The following SLC9B1 variants were observed in gnomAD, a reference collection of about 807,000 sequenced individuals.
SLC9B1 encodes solute carrier family 9 member B1, also known as sodium/hydrogen exchanger 9B1.
A neutral mutation model predicts 51.7 loss-of-function variants in SLC9B1; 32 were observed. The observed-to-expected ratio is 0.62, with a 90% CI of 0.47 to 0.83. The LOEUF is 0.83. Ranked by LOEUF, SLC9B1 falls within the 40% of genes least tolerant of loss-of-function variation. The probability of loss-of-function intolerance (pLI) is 0.00; values close to 1 mark genes in which losing one functional copy is unlikely to be tolerated. For missense variants in SLC9B1, 406 were observed against 613.2 expected (o/e 0.66, Z 3.57); for synonymous variants, 145 against 212.7 (o/e 0.68, Z 2.77).
At position 102,917,610 on chromosome 4, in the gene SLC9B1, G is replaced by A. The variant is rs574209516; in HGVS notation, c.830-6073C>T. Reference sequence around the variant, plus strand: ...AAAAATGGAAACACAACATTCCAAAGCTTGTGGGATGCAGCAAAATGAATA... The same window carrying A: ...AAAAATGGAAACACAACATTCCAAAACTTGTGGGATGCAGCAAAATGAATA... On this transcript the variant is annotated intron_variant, in intron 7 of 11. Coordinates refer to ENST00000296422, the MANE Select transcript of SLC9B1 (RefSeq NM_139173.4). Among the ~76,000 whole-genome samples the A allele has an allele frequency of 3.9e-5, 6 of 152,138 alleles. No individual in the cohort carries two copies. The South Asian group carries it at 1.2e-3, about 32-fold the overall frequency.
chr4:102,959,446 T>C (rs1737978269), intron 3 of SLC9B1, among the ~76,000 whole-genome samples: 1 of 152,226 alleles, frequency 6.6e-6, no homozygotes, highest in Non-Finnish European at 1.5e-5. Flanking sequence ...TTGCAATCTG[T>C]TAAGATGTTC....
At chr4:102,920,887 G>A (rs1735839262) in intron 7 of SLC9B1, among the ~76,000 whole-genome samples, 1 of 152,222 alleles carries the variant, frequency 6.6e-6, no homozygotes, top group African/African-American at 2.4e-5. Context: ...AATGAAGAAA[G>A]CCTCCAAGAA....
At chr4:102,904,023 G>T (rs189901815) in intron 11 of SLC9B1, among the ~76,000 whole-genome samples, 42 of 151,630 alleles carry the variant, frequency 2.8e-4, no homozygotes, top group Admixed American at 1.2e-3. Flanking sequence ...GGTAGGAAAA[G>T]TATTTTTTAA....
intron 6 of SLC9B1, chr4:102,941,434 T>C (rs1403591895): frequency 2.2e-6 from 1 of 453,162 alleles, no homozygotes; most frequent in Admixed American, 2.4e-5. Flanking sequence ...AAAACAAAAC[T>C]GCAGTGAGAT....
At chr4:102,956,790 T>C (rs1182067015) in intron 3 of SLC9B1, among the ~76,000 whole-genome samples, 1 of 152,216 alleles carries the variant, frequency 6.6e-6, no homozygotes, top group Non-Finnish European at 1.5e-5. Context: ...TGTTTAGTTT[T>C]CAATTAAAAA....
At chr4:103,002,378 T>C (rs1008398383) in intron 1 of SLC9B1, among the ~76,000 whole-genome samples, 2 of 152,220 alleles carry the variant, frequency 1.3e-5, no homozygotes, top group Non-Finnish European at 2.9e-5. Flanking sequence ...GCTTATAATG[T>C]GACAAGTATT....
chr4:102,918,395 C>A (rs2110440346), intron 7 of SLC9B1, among the ~76,000 whole-genome samples: 1 of 152,210 alleles, frequency 6.6e-6, no homozygotes, highest in Non-Finnish European at 1.5e-5. Context: ...GTAACTGAAT[C>A]AGGAATCAAA....
At chr4:102,973,820 C>A (rs1317383462) in intron 3 of SLC9B1, among the ~76,000 whole-genome samples, 1 of 152,058 alleles carries the variant, frequency 6.6e-6, no homozygotes, top group Non-Finnish European at 1.5e-5. Context: ...AAGTGAAATA[C>A]TACATAACAA....
At chr4:102,893,749 C>T (rs1734393334) in intron 11 of SLC9B1, among the ~76,000 whole-genome samples, 1 of 151,924 alleles carries the variant, frequency 6.6e-6, no homozygotes, top group Non-Finnish European at 1.5e-5. Flanking sequence ...TATGGCGAAA[C>T]CCCATCTCTA....
intron 7 of SLC9B1, among the ~76,000 whole-genome samples, chr4:102,926,456 GACAA>G (rs1313313637): frequency 1.3e-5 from 2 of 152,270 alleles, no homozygotes; most frequent in Non-Finnish European, 2.9e-5. Context: ...ACCATTAATA[GACAA>G]ACAGAGAGCC....
At chr4:102,948,183 A>G (rs1737360946) in intron 4 of SLC9B1, among the ~76,000 whole-genome samples, 1 of 152,114 alleles carries the variant, frequency 6.6e-6, no homozygotes, top group African/African-American at 2.4e-5. Flanking sequence ...GTATTCATTC[A>G]TTTATTCATC....
intron 7 of SLC9B1, among the ~76,000 whole-genome samples, chr4:102,931,401 T>G (rs1246583348): frequency 1.3e-5 from 2 of 152,052 alleles, no homozygotes; most frequent in Non-Finnish European, 2.9e-5. Flanking sequence ...GAAATGATTC[T>G]TTTCTTCTGG....
intron 7 of SLC9B1, among the ~76,000 whole-genome samples, chr4:102,930,339 A>C (rs1736386742): frequency 6.6e-6 from 1 of 152,204 alleles, no homozygotes; most frequent in Non-Finnish European, 1.5e-5. Flanking sequence ...TTAGATCAAC[A>C]ATTACACTTT....
At chr4:102,941,834 A>T (rs1206112841) in intron 6 of SLC9B1, among the ~76,000 whole-genome samples, 1 of 151,978 alleles carries the variant, frequency 6.6e-6, no homozygotes, top group Non-Finnish European at 1.5e-5. Flanking sequence ...AAAGAAATAA[A>T]GGGCATCCAA....
intron 11 of SLC9B1, among the ~76,000 whole-genome samples, chr4:102,893,281 C>CAAAAGA (rs1734349848): frequency 2.6e-4 from 9 of 35,162 alleles, no homozygotes; most frequent in Non-Finnish European, 3.8e-4. Flanking sequence ...GACTCCATCT[C>CAAAAGA]AAAAAAAAAA....
chr4:102,902,129 T>C (rs1490467697), intron 11 of SLC9B1, among the ~76,000 whole-genome samples: 2 of 152,186 alleles, frequency 1.3e-5, no homozygotes, highest in Admixed American at 1.3e-4. Flanking sequence ...CTAGTCACCT[T>C]CTACCACATT....
chr4:102,992,178 C>T (rs62327327), intron 1 of SLC9B1, among the ~76,000 whole-genome samples: 89 of 151,714 alleles, frequency 5.9e-4, no homozygotes, highest in Non-Finnish European at 1.1e-3. Context: ...TTTATGTGGC[C>T]CATTTGAAGG....
intron 1 of SLC9B1, among the ~76,000 whole-genome samples, chr4:103,010,179 T>C (rs947982601): frequency 1.3e-5 from 2 of 152,162 alleles, no homozygotes; most frequent in African/African-American, 4.8e-5. Flanking sequence ...GATTGGATAA[T>C]TTATAATGAA....
intron 3 of SLC9B1, among the ~76,000 whole-genome samples, chr4:102,970,677 A>G (rs947406806): frequency 3.3e-5 from 5 of 152,366 alleles, no homozygotes; most frequent in Admixed American, 1.3e-4. Context: ...GCCCCAATTA[A>G]AAGACACAGA....
Sources: allele counts gnomAD v4.1 joint callset (sites outside exome capture counted in the v4.1 genomes callset), GRCh38; gene constraint gnomAD v4.1.1; transcripts MANE v1.5; gene names NCBI Gene and HGNC (gene_info 2026-07-23, HGNC 2026-07-21).